TTC21B: variants seen among roughly 807,000 people sequenced by gnomAD.
TTC21B encodes tetratricopeptide repeat protein 21B.
A neutral mutation model predicts 175.1 loss-of-function variants in TTC21B; 127 were observed. The ratio of observed to expected loss-of-function variants is 0.73; its 90% CI spans 0.63 to 0.84. The LOEUF (loss-of-function observed/expected upper bound fraction) is 0.84, where lower values mean the gene tolerates loss of function less well. Among genes scored for constraint, TTC21B ranks in the 40% least tolerant of loss-of-function variants. The pLI is 0.00. For synonymous variants in TTC21B, 524 were observed against 524.5 expected (o/e 1.00, Z 0.01); for missense variants, 1,561 against 1,558.3 (o/e 1.00, Z -0.03).
At chr2:165,927,923 T>C (rs1686737389) in intron 11 of TTC21B, among the ~76,000 whole-genome samples, 1 of 152,226 alleles carries the variant, frequency 6.6e-6, no homozygotes, top group African/African-American at 2.4e-5. Context: ...CTTTCAGCAA[T>C]GGAACGCTTG....
intron 19 of TTC21B, among the ~76,000 whole-genome samples, chr2:165,906,955 CAAAA>C (rs1160627145): frequency 0.023 from 1,377 of 60,210 alleles, 13 homozygotes; most frequent in African/African-American, 0.092. Context: ...AACTCCGTCT[CAAAA>C]AAAAAAAAAA....
intron 6 of TTC21B, 41 bp from the exon 7 acceptor site, chr2:165,933,098 A>C: frequency 6.4e-7 from 1 of 1,566,810 alleles, no homozygotes; most frequent in Admixed American, 1.7e-5. Context: ...ATAAATTTAT[A>C]TATTTTCTTT....
chr2:165,888,576 A>G (rs1165065214), intron 24 of TTC21B, 102 bp from the exon 25 acceptor site: 13 of 852,760 alleles, frequency 1.5e-5, no homozygotes, highest in Non-Finnish European at 9.4e-6. Context: ...GCACTCTTTT[A>G]TACTCTTTTT....
chr2:165,906,085 C>A (rs1184251020), intron 19 of TTC21B, among the ~76,000 whole-genome samples: 1 of 151,734 alleles, frequency 6.6e-6, no homozygotes, highest in East Asian at 1.9e-4. Flanking sequence ...AAATAACCCA[C>A]CGGTCCAAGA....
intron 22 of TTC21B, among the ~76,000 whole-genome samples, chr2:165,894,716 C>T (rs1051501630): frequency 5.3e-5 from 8 of 152,164 alleles, no homozygotes; most frequent in Non-Finnish European, 1.2e-4. Flanking sequence ...TGGTGTTTTA[C>T]AGTCATTCAC....
intron 19 of TTC21B, among the ~76,000 whole-genome samples, chr2:165,902,684 A>C (rs1378659199): frequency 1.3e-5 from 2 of 152,282 alleles, no homozygotes; most frequent in Admixed American, 1.3e-4. Flanking sequence ...ATGTACCTTT[A>C]TGTGTTTTAG....
chr2:165,899,537 T>C (rs1474250277), intron 21 of TTC21B, among the ~76,000 whole-genome samples: 1 of 152,136 alleles, frequency 6.6e-6, no homozygotes, highest in Non-Finnish European at 1.5e-5. Flanking sequence ...AAATAAAAAA[T>C]AACTAGACCC....
intron 12 of TTC21B, 27 bp from the exon 13 acceptor site, chr2:165,919,460 T>A (rs774081702): frequency 1.9e-6 from 3 of 1,609,832 alleles, no homozygotes; most frequent in Non-Finnish European, 2.6e-6. Flanking sequence ...TGCATTGTTA[T>A]AATTCAAATG....
chr2:165,878,791 C>A (rs1034536818), intron 27 of TTC21B, among the ~76,000 whole-genome samples: 1 of 151,414 alleles, frequency 6.6e-6, no homozygotes, highest in African/African-American at 2.4e-5. Context: ...AAGCAATTCT[C>A]CTGCCTCAGC....
At chr2:165,917,603 G>A (rs781537689) in intron 13 of TTC21B, 122 bp from the exon 14 acceptor site, 6 of 808,258 alleles carry the variant, frequency 7.4e-6, no homozygotes, top group Admixed American at 2.1e-5. Flanking sequence ...GTATGCATGA[G>A]GTCTATCTCT....
chr2:165,947,188 A>ATATATATATATATATATATG (rs1687605751), intron 3 of TTC21B: 2 of 130,236 alleles, frequency 1.5e-5, no homozygotes, highest in South Asian at 2.4e-4. Context: ...ATATATATAT[A>ATATATATATATATATATATG]TATATTAGTA....
chr2:165,934,741 G>GA (rs58434982), intron 6 of TTC21B: 146,685 of 149,352 alleles, frequency 0.98, 72,132 homozygotes, highest in Middle Eastern at 1. Context: ...CAGATTGCTT[G>GA]AAAAAAAAAA....
At chr2:165,951,998 C>A (rs1687775097) in intron 1 of TTC21B, among the ~76,000 whole-genome samples, 1 of 151,844 alleles carries the variant, frequency 6.6e-6, no homozygotes, top group Non-Finnish European at 1.5e-5. Context: ...CACACACGTA[C>A]ACGCTCTTCC....
intron 26 of TTC21B, among the ~76,000 whole-genome samples, chr2:165,883,133 T>A (rs563208090): frequency 6.6e-6 from 1 of 152,160 alleles, no homozygotes; most frequent in South Asian, 2.1e-4. Context: ...GTAATTGATA[T>A]GAATATATGA....
rs1686920810 is a variant in TTC21B, at chr2:165,931,835, A to C, written c.817T>G (p.Leu273Val). The change falls in exon 8 of 29, where the codon TTG becomes GTG. Residue 273 changes from leucine (L) to valine (V), a missense_variant. Physicochemically the swap from Leu to Val is conservative, Grantham distance 32. Transcript: ENST00000243344. Reference protein sequence around the residue: ...IEKASTKLENLGNTLDAMEPQ... With the variant: ...IEKASTKLENVGNTLDAMEPQ... ...TCCATGGCATCCAATGTATTTCCCA[A>C]GTTTTCCAGCTTGGTGGAAGCCTAA... 1.2e-6 allele frequency: 2 copies of C among 1,613,472 alleles called. No individual in the cohort carries two copies. The highest frequency in any genetic ancestry group is 1.7e-6 in the Non-Finnish European group (2 of 1,179,516).
At chr2:165,944,128 T>C (rs148707156) in intron 4 of TTC21B, among the ~76,000 whole-genome samples, 5 of 152,276 alleles carry the variant, frequency 3.3e-5, no homozygotes, top group Admixed American at 1.3e-4. Context: ...AGTGCCATCA[T>C]TGAATGGTTT....
chr2:165,894,395 G>A (rs763410092), intron 22 of TTC21B, among the ~76,000 whole-genome samples: 10 of 152,122 alleles, frequency 6.6e-5, no homozygotes, highest in Non-Finnish European at 1.3e-4. Context: ...TACAAGATGA[G>A]TTACTGAGGA....
At chr2:165,930,829 A>G (rs553944544) in intron 8 of TTC21B, among the ~76,000 whole-genome samples, 1 of 149,940 alleles carries the variant, frequency 6.7e-6, no homozygotes, top group East Asian at 1.9e-4. Context: ...TTTTCCCCCT[A>G]AACACTAGCT....
intron 6 of TTC21B, 27 bp downstream of exon 6, chr2:165,941,000 G>C (rs370777493): frequency 9.9e-6 from 16 of 1,611,290 alleles, no homozygotes; most frequent in East Asian, 2.2e-5. Flanking sequence ...AATCCAAAGA[G>C]ACTTGTGTCA....
Sources: gnomAD v4.1 joint callset for allele counts (sites outside exome capture counted in the v4.1 genomes callset) on GRCh38, gnomAD v4.1.1 for gene constraint, MANE v1.5 for transcripts, NCBI Gene and HGNC (gene_info 2026-07-23, HGNC 2026-07-21) for gene names.